Variants in SLC24A2 observed in about 807,000 individuals in gnomAD.
The protein encoded by SLC24A2 is solute carrier family 24 member 2.
Under a neutral mutation model 62.0 loss-of-function variants are expected in SLC24A2, and 36 were observed. That is an observed-to-expected ratio of 0.58 (90% CI 0.44 to 0.77). SLC24A2 has a LOEUF of 0.77. Ranked by LOEUF, SLC24A2 falls within the 30% of genes least tolerant of loss-of-function variation. The pLI, the probability that SLC24A2 is intolerant of heterozygous loss-of-function variation, is 0.00. For synonymous variants in SLC24A2, 358 were observed against 294.0 expected, an observed-to-expected ratio of 1.22 and a Z score of -2.23; for missense variants, 846 against 817.9, an observed-to-expected ratio of 1.03 and a Z score of -0.42.
the SLC24A2 span, among the ~76,000 whole-genome samples, chr9:19,920,145 T>G: frequency 6.6e-6 from 1 of 152,160 alleles, no homozygotes; most frequent in African/African-American, 2.4e-5. Flanking sequence ...TTTTTTGAAG[T>G]TTCTGCTAAG....
chr9:20,225,178 T>C, the SLC24A2 span, among the ~76,000 whole-genome samples: 1 of 152,096 alleles, frequency 6.6e-6, no homozygotes, highest in Non-Finnish European at 1.5e-5. Flanking sequence ...TATTTTTAAG[T>C]GCTTGTGTAT....
the SLC24A2 span, chr9:19,957,580 G>A: frequency 1.3e-5 from 2 of 152,914 alleles, no homozygotes; most frequent in South Asian, 2.1e-4. Flanking sequence ...AAAGCCTCCT[G>A]AAGCAGACTC....
At chr9:20,141,400 T>G in the SLC24A2 span, among the ~76,000 whole-genome samples, 1 of 152,258 alleles carries the variant, frequency 6.6e-6, no homozygotes, top group South Asian at 2.1e-4. Flanking sequence ...GGTTTTACCC[T>G]TAAAATCTAT....
At chr9:19,818,218 T>A in the SLC24A2 span, among the ~76,000 whole-genome samples, 3 of 152,100 alleles carry the variant, frequency 2.0e-5, no homozygotes, top group Non-Finnish European at 4.4e-5. Context: ...CCAGCTCTGT[T>A]TTTCACAAAG....
chr9:19,544,213 G>A (rs1396383895), intron 8 of SLC24A2, among the ~76,000 whole-genome samples: 1 of 146,038 alleles, frequency 6.8e-6, no homozygotes, highest in Non-Finnish European at 1.5e-5. Context: ...ATCTTTGTTG[G>A]TTTAAAGTCT....
chr9:20,291,955 A>T, the SLC24A2 span, among the ~76,000 whole-genome samples: 81 of 152,264 alleles, frequency 5.3e-4, no homozygotes, highest in Non-Finnish European at 1.1e-3. Flanking sequence ...AGGAAGGAAA[A>T]GCAGGGCCAT....
chr9:19,758,810 C>G (rs969481464), intron 2 of SLC24A2, among the ~76,000 whole-genome samples: 2 of 152,148 alleles, frequency 1.3e-5, no homozygotes, highest in Non-Finnish European at 2.9e-5. Flanking sequence ...CATTTCACTT[C>G]CTGCTTATCA....
At chr9:19,576,815 A>T in intron 6 of SLC24A2, 109 bp downstream of exon 6, 1 of 518,496 alleles carries the variant, frequency 1.9e-6, no homozygotes, top group East Asian at 3.3e-5. Context: ...GCTGTGCTGC[A>T]GCGGTGTGTG....
the SLC24A2 span, among the ~76,000 whole-genome samples, chr9:20,012,929 C>A: frequency 1.3e-5 from 2 of 151,132 alleles, no homozygotes; most frequent in Admixed American, 6.6e-5. Context: ...GGATAGATAT[C>A]CCATACTCAC....
At chr9:20,061,620 A>G in the SLC24A2 span, among the ~76,000 whole-genome samples, 1 of 152,196 alleles carries the variant, frequency 6.6e-6, no homozygotes, top group East Asian at 1.9e-4. Context: ...TGCCAAGACA[A>G]TTCAATGAGG....
At chr9:19,896,427 C>G in the SLC24A2 span, among the ~76,000 whole-genome samples, 39 of 152,298 alleles carry the variant, frequency 2.6e-4, no homozygotes, top group Admixed American at 4.6e-4. Flanking sequence ...CCAATTTGCT[C>G]AAGACACTAG....
At chr9:20,012,328 T>G in the SLC24A2 span, among the ~76,000 whole-genome samples, 1 of 151,982 alleles carries the variant, frequency 6.6e-6, no homozygotes, top group Admixed American at 6.6e-5. Flanking sequence ...GCAGGGAAAC[T>G]CCCCTTTTTA....
chr9:20,024,464 T>C, the SLC24A2 span, among the ~76,000 whole-genome samples: 1 of 152,188 alleles, frequency 6.6e-6, no homozygotes. Flanking sequence ...AGCAAGTAGG[T>C]TACTACCGAA....
the SLC24A2 span, among the ~76,000 whole-genome samples, chr9:20,206,442 T>C: frequency 6.4e-3 from 963 of 151,260 alleles, 13 homozygotes; most frequent in African/African-American, 0.022. Flanking sequence ...TAAGATGCAG[T>C]AATTTTCCCA....
intron 9 of SLC24A2, among the ~76,000 whole-genome samples, chr9:19,525,245 GAC>G (rs1331289659): frequency 1.3e-5 from 2 of 152,042 alleles, no homozygotes; most frequent in African/African-American, 4.8e-5. Flanking sequence ...GTAGAAATAA[GAC>G]AGTGTATCAG....
chr9:20,267,981 T>TA, the SLC24A2 span, among the ~76,000 whole-genome samples: 1 of 152,156 alleles, frequency 6.6e-6, no homozygotes, highest in African/African-American at 2.4e-5. Context: ...GCCTGGCCCC[T>TA]ACTTTTCTTC....
chr9:19,819,149 T>C, the SLC24A2 span, among the ~76,000 whole-genome samples: 2 of 152,082 alleles, frequency 1.3e-5, no homozygotes, highest in African/African-American at 2.4e-5. Flanking sequence ...TAGCCACATG[T>C]AGGAGAATGA....
chr9:19,689,039 A>G (rs987332117), intron 2 of SLC24A2, among the ~76,000 whole-genome samples: 31 of 152,196 alleles, frequency 2.0e-4, no homozygotes, highest in African/African-American at 6.5e-4. Context: ...AAAAACCAGC[A>G]TATTAAGCAT....
chr9:19,870,082 T>C, the SLC24A2 span, among the ~76,000 whole-genome samples: 368 of 152,316 alleles, frequency 2.4e-3, no homozygotes, highest in African/African-American at 8.5e-3. Flanking sequence ...AGTCTTTTTT[T>C]AGTTTATTCA....
Sources: allele counts gnomAD v4.1 joint callset (sites outside exome capture counted in the v4.1 genomes callset), GRCh38; gene constraint gnomAD v4.1.1; transcripts MANE v1.5; gene names NCBI Gene and HGNC (gene_info 2026-07-23, HGNC 2026-07-21).